The following PARD3 variants were observed in gnomAD, a reference collection of about 807,000 sequenced individuals.
PARD3 encodes the protein par-3 family cell polarity regulator.
PARD3 carries 75 observed loss-of-function variants against 155.4 expected under a neutral mutation model. The observed-to-expected ratio is 0.48, with a 90% CI of 0.40 to 0.58. PARD3 has a LOEUF of 0.58. Among genes scored for constraint, PARD3 ranks in the 20% least tolerant of loss-of-function variants. The pLI is 0.00. For synonymous variants in PARD3, 576 were observed against 610.5 expected, an observed-to-expected ratio of 0.94 and a Z score of 0.83; for missense variants, 1,642 against 1,721.7, an observed-to-expected ratio of 0.95 and a Z score of 0.82.
At chr10:34,728,505 T>C (rs1438534058) in intron 1 of PARD3, among the ~76,000 whole-genome samples, 3 of 152,118 alleles carry the variant, frequency 2.0e-5, no homozygotes, top group Non-Finnish European at 4.4e-5. Context: ...CCCTAACAGA[T>C]GAATAATAAA....
At chr10:34,451,012 G>A (rs983225655) in intron 4 of PARD3, among the ~76,000 whole-genome samples, 1 of 152,036 alleles carries the variant, frequency 6.6e-6, no homozygotes, top group Non-Finnish European at 1.5e-5. Flanking sequence ...CAAACATCAG[G>A]GGAAAAAACT....
intron 21 of PARD3, 102 bp from the exon 22 acceptor site, chr10:34,270,001 C>A (rs1330888604): frequency 1.4e-5 from 16 of 1,181,100 alleles, no homozygotes; most frequent in Non-Finnish European, 1.8e-5. Context: ...TATTTGATTT[C>A]TTGCAGCTAT....
chr10:34,271,977 T>C (rs1298873518), intron 21 of PARD3, among the ~76,000 whole-genome samples: 1 of 152,216 alleles, frequency 6.6e-6, no homozygotes, highest in Non-Finnish European at 1.5e-5. Flanking sequence ...TACACATCTA[T>C]AAGCCAAACT....
intron 2 of PARD3, among the ~76,000 whole-genome samples, chr10:34,577,467 G>C (rs543419059): frequency 2.6e-5 from 4 of 152,336 alleles, no homozygotes; most frequent in South Asian, 2.1e-4. Flanking sequence ...TGAGCTGCAT[G>C]ATGGCCCCAA....
chr10:34,118,503 C>T (rs1946805154), intron 24 of PARD3, among the ~76,000 whole-genome samples: 1 of 152,138 alleles, frequency 6.6e-6, no homozygotes, highest in African/African-American at 2.4e-5. Context: ...TGCCACCAAG[C>T]CCAGCTAATT....
chr10:34,566,697 A>G (rs748762358), intron 2 of PARD3, among the ~76,000 whole-genome samples: 4 of 152,238 alleles, frequency 2.6e-5, no homozygotes, highest in Non-Finnish European at 5.9e-5. Context: ...ATATTACACA[A>G]AAGCCCCATC....
intron 22 of PARD3, among the ~76,000 whole-genome samples, chr10:34,253,135 A>G (rs558974241): frequency 6.6e-6 from 1 of 152,162 alleles, no homozygotes; most frequent in Non-Finnish European, 1.5e-5. Context: ...GACTAATGGA[A>G]CTCTCCCAGA....
At chr10:34,575,908 AAAAG>A (rs1167569373) in intron 2 of PARD3, among the ~76,000 whole-genome samples, 1 of 152,114 alleles carries the variant, frequency 6.6e-6, no homozygotes, top group African/African-American at 2.4e-5. Flanking sequence ...AAAAAAAAGA[AAAAG>A]AAAGAAAGAA....
In PARD3 at chr10:34,543,729, A is replaced by G. The variant is rs556749832; in HGVS notation, c.223-26570T>C. On this transcript the variant is annotated intron_variant, in intron 2 of 24. Transcript: ENST00000374788. ...AAAGAACCCTAATTACATTCCAAAG[A>G]AAAGTGGGTATGTGCACTGTCACTA... 5.9e-5 allele frequency among the ~76,000 whole-genome samples: 9 copies of G among 152,368 alleles called. No individual in the cohort carries two copies. In the South Asian group the frequency reaches 1.0e-3, roughly 18 times the overall value.
At chr10:34,413,828 AT>A (rs1369698384) in intron 5 of PARD3, among the ~76,000 whole-genome samples, 1 of 152,228 alleles carries the variant, frequency 6.6e-6, no homozygotes, top group African/African-American at 2.4e-5. Context: ...CAAGTCAGAT[AT>A]TAGTAAAATT....
chr10:34,356,000 A>T (rs185583339), intron 14 of PARD3, among the ~76,000 whole-genome samples: 30 of 151,530 alleles, frequency 2.0e-4, no homozygotes, highest in Non-Finnish European at 1.5e-5. Context: ...ACTTTGAGAG[A>T]CAGGAATAAT....
intron 2 of PARD3, among the ~76,000 whole-genome samples, chr10:34,691,255 C>T (rs1346679270): frequency 2.0e-5 from 3 of 152,110 alleles, no homozygotes; most frequent in Non-Finnish European, 4.4e-5. Context: ...TTTCAGGATG[C>T]AAAACCAATG....
intron 3 of PARD3, among the ~76,000 whole-genome samples, chr10:34,478,609 T>A (rs1449568219): frequency 6.6e-6 from 1 of 152,152 alleles, no homozygotes; most frequent in Non-Finnish European, 1.5e-5. Flanking sequence ...AATGGTGCGA[T>A]CTCGGCTCAC....
At chr10:34,630,715 A>G (rs1311382772) in intron 2 of PARD3, among the ~76,000 whole-genome samples, 1 of 152,080 alleles carries the variant, frequency 6.6e-6, no homozygotes, top group Admixed American at 6.6e-5. Context: ...AAGTGCTGGG[A>G]TTACAGGCAT....
intron 2 of PARD3, among the ~76,000 whole-genome samples, chr10:34,571,923 T>C (rs1453466296): frequency 6.6e-6 from 1 of 152,170 alleles, no homozygotes; most frequent in Admixed American, 6.5e-5. Flanking sequence ...TGTTGGACTC[T>C]AGATTTAGTG....
At chr10:34,394,118 A>C (rs1371640967) in intron 7 of PARD3, among the ~76,000 whole-genome samples, 1 of 151,920 alleles carries the variant, frequency 6.6e-6, no homozygotes, top group Admixed American at 6.6e-5. Flanking sequence ...TTAAGGTGTG[A>C]GCCACCGCGC....
At chr10:34,646,766 A>T (rs2092850338) in intron 2 of PARD3, among the ~76,000 whole-genome samples, 1 of 152,174 alleles carries the variant, frequency 6.6e-6, no homozygotes, top group South Asian at 2.1e-4. Context: ...CCCTGCCCCA[A>T]GTGATTCTCC....
intron 1 of PARD3, among the ~76,000 whole-genome samples, chr10:34,790,607 T>G (rs1336611726): frequency 1.2e-4 from 18 of 152,186 alleles, no homozygotes; most frequent in Non-Finnish European, 1.5e-5. Flanking sequence ...AAAAAAAGAA[T>G]GAGTATTCTC....
At chr10:34,342,258 C>T (rs1321133803) in intron 15 of PARD3, among the ~76,000 whole-genome samples, 1 of 152,200 alleles carries the variant, frequency 6.6e-6, no homozygotes, top group African/African-American at 2.4e-5. Flanking sequence ...AGTCTCTGTC[C>T]TTAAAGGACG....
Sources: allele counts gnomAD v4.1 joint callset (sites outside exome capture counted in the v4.1 genomes callset), GRCh38; gene constraint gnomAD v4.1.1; transcripts MANE v1.5; gene names NCBI Gene and HGNC (gene_info 2026-07-23, HGNC 2026-07-21).